The following TPH2 variants were observed in gnomAD, a reference collection of about 807,000 sequenced individuals.
TPH2 encodes tryptophan hydroxylase 2.
TPH2 carries 27 observed loss-of-function variants against 59.1 expected under a neutral mutation model. That is an observed-to-expected ratio of 0.46 (90% CI 0.34 to 0.63). The LOEUF is 0.63. TPH2 is among the 30% of genes least tolerant of loss of function. The pLI is 0.01. For synonymous variants in TPH2, 220 were observed against 210.5 expected (o/e 1.05, Z -0.39); for missense variants, 523 against 588.3 (o/e 0.89, Z 1.15).
chr12:71,972,839 T>A, intron 6 of TPH2, 124 bp downstream of exon 6: 1 of 1,064,708 alleles, frequency 9.4e-7, no homozygotes, highest in Non-Finnish European at 1.4e-6. Flanking sequence ...ATTGTTGGCT[T>A]TGAGCCAACA....
chr12:71,985,584 A>G (rs1323105733), intron 7 of TPH2, among the ~76,000 whole-genome samples: 3 of 152,052 alleles, frequency 2.0e-5, no homozygotes, highest in Non-Finnish European at 4.4e-5. Context: ...TTTTTAGTAT[A>G]GACAAGGTTT....
rs189454786 is a variant in TPH2, at chr12:72,027,282, A to G, written c.1165-3976A>G. Among the ~76,000 whole-genome samples, 267 of 152,220 alleles carry G rather than the reference A, an allele frequency of 1.8e-3. 2 individuals are homozygous for G. Among genetic ancestry groups the G allele is most frequent in the African/African-American group, 5.4e-3 (226 of 41,544 alleles). On this transcript the variant is annotated intron_variant, in intron 9 of 10. Coordinates refer to ENST00000333850, the MANE Select transcript of TPH2 (RefSeq NM_173353.4). ...TACGGGTTTCAGACCCCTGAGGGAGAAGGGCTGCACAAATGGTGGAAAGTG... is the reference window on the plus strand; with the variant it reads ...TACGGGTTTCAGACCCCTGAGGGAGGAGGGCTGCACAAATGGTGGAAAGTG...
At chr12:72,024,422 C>A (rs1873512238) in intron 9 of TPH2, among the ~76,000 whole-genome samples, 1 of 152,190 alleles carries the variant, frequency 6.6e-6, no homozygotes, top group African/African-American at 2.4e-5. Flanking sequence ...AACTGATGAC[C>A]TGATGTAGTA....
At chr12:71,963,862 A>T (rs1592389368) in intron 5 of TPH2, among the ~76,000 whole-genome samples, 1 of 50,932 alleles carries the variant, frequency 2.0e-5, no homozygotes, top group East Asian at 6.6e-4. Flanking sequence ...CATAGGTGGT[A>T]TGACACACAG....
At chr12:71,972,769 A>C (rs1009963627) in intron 6 of TPH2, 54 bp downstream of exon 6, 1 of 1,566,288 alleles carries the variant, frequency 6.4e-7, no homozygotes, top group African/African-American at 1.4e-5. Context: ...ATTGCCTTCC[A>C]AGGACACAGG....
intron 8 of TPH2, among the ~76,000 whole-genome samples, chr12:72,010,301 G>T (rs75743204): frequency 0.013 from 1,993 of 152,250 alleles, 38 homozygotes; most frequent in African/African-American, 0.04. Flanking sequence ...TGATTATTAT[G>T]AGAGATAGGT....
chr12:72,001,369 G>T (rs989159241), intron 8 of TPH2, among the ~76,000 whole-genome samples: 4 of 152,174 alleles, frequency 2.6e-5, no homozygotes, highest in Non-Finnish European at 5.9e-5. Context: ...TCTGTAAAAG[G>T]AGGGACCCAT....
At chr12:71,998,809 T>A (rs1436100489) in intron 8 of TPH2, among the ~76,000 whole-genome samples, 1 of 152,106 alleles carries the variant, frequency 6.6e-6, no homozygotes, top group Non-Finnish European at 1.5e-5. Flanking sequence ...AGCAATGAGA[T>A]GCACCAAAGG....
rs11179029 is a variant in TPH2, at chr12:71,988,380, G to A, written c.942-6059G>A. 5.7e-4 allele frequency among the ~76,000 whole-genome samples: 87 copies of A among 152,204 alleles called. 1 individual carries two copies. The East Asian group carries it at 0.015, about 26-fold the overall frequency. On this transcript the variant is annotated intron_variant, in intron 7 of 10. Transcript: ENST00000333850. ...TAAAGAAAAGGGGTTTAATTGGCTC[G>A]CGGTTCTGCAGGCTGCACAGGAAGC...
chr12:71,953,899 G>A (rs889928036), intron 5 of TPH2, among the ~76,000 whole-genome samples: 2 of 152,128 alleles, frequency 1.3e-5, no homozygotes, highest in African/African-American at 4.8e-5. Context: ...TGGATATTTT[G>A]GGGTTGTAAT....
intron 9 of TPH2, among the ~76,000 whole-genome samples, chr12:72,023,429 C>CTTCA (rs137875266): frequency 0.08 from 12,122 of 151,956 alleles, 543 homozygotes; most frequent in East Asian, 0.18. Flanking sequence ...CATTTTATGA[C>CTTCA]TTCATTCATT....
At chr12:72,023,831 A>AAAAAAGAAAAAAG (rs1873495722) in intron 9 of TPH2, among the ~76,000 whole-genome samples, 1 of 151,748 alleles carries the variant, frequency 6.6e-6, no homozygotes, top group Non-Finnish European at 1.5e-5. Context: ...GAAAAAAAAA[A>AAAAAAGAAAAAAG]AAAAAGAAAA....
intron 8 of TPH2, among the ~76,000 whole-genome samples, chr12:72,007,205 TCTC>T (rs1460244034): frequency 1.3e-5 from 2 of 151,684 alleles, no homozygotes; most frequent in African/African-American, 2.4e-5. Context: ...ATGTCGAGCT[TCTC>T]CTTGGAGATG....
chr12:71,961,738 A>C (rs1174467425), intron 5 of TPH2: 1 of 1,343,304 alleles, frequency 7.4e-7, no homozygotes, highest in South Asian at 1.1e-5. Flanking sequence ...CTTCTCTAGA[A>C]TATGAAGAGG....
At chr12:72,018,602 T>C (rs1301264404) in intron 8 of TPH2, among the ~76,000 whole-genome samples, 1 of 152,182 alleles carries the variant, frequency 6.6e-6, no homozygotes, top group Non-Finnish European at 1.5e-5. Context: ...TGTAGCTGGC[T>C]CTGAACGTGT....
intron 5 of TPH2, among the ~76,000 whole-genome samples, chr12:71,950,010 C>A (rs1345216133): frequency 6.6e-6 from 1 of 152,088 alleles, no homozygotes; most frequent in African/African-American, 2.4e-5. Flanking sequence ...TCTCCTGCTT[C>A]CCCGATGAAA....
At chr12:71,973,960 G>A (rs1872045210) in intron 6 of TPH2, among the ~76,000 whole-genome samples, 1 of 151,820 alleles carries the variant, frequency 6.6e-6, no homozygotes, top group Non-Finnish European at 1.5e-5. Flanking sequence ...TGGGAAATAG[G>A]CTTGTGAGGG....
intron 8 of TPH2, among the ~76,000 whole-genome samples, chr12:72,002,177 A>G (rs973753229): frequency 3.9e-5 from 6 of 152,222 alleles, no homozygotes; most frequent in African/African-American, 1.4e-4. Flanking sequence ...AAATATATAC[A>G]ACCATGATTT....
intron 6 of TPH2, 129 bp downstream of exon 6, chr12:71,972,844 C>A: frequency 1.0e-6 from 1 of 957,514 alleles, no homozygotes; most frequent in Non-Finnish European, 1.6e-6. Flanking sequence ...TGGCTTTGAG[C>A]CAACAATTAC....
Sources: allele counts gnomAD v4.1 joint callset (sites outside exome capture counted in the v4.1 genomes callset), GRCh38; gene constraint gnomAD v4.1.1; transcripts MANE v1.5; gene names NCBI Gene and HGNC (gene_info 2026-07-23, HGNC 2026-07-21).